The following CDKN2B-AS1 variants were observed in gnomAD, a reference collection of about 807,000 sequenced individuals.
The protein encoded by CDKN2B-AS1 is CDKN2B antisense RNA 1 (non-protein coding).
chr9:22,117,925 T>C (rs1436064973), intron 4 of CDKN2B-AS1: 2 of 152,258 alleles, frequency 1.3e-5, no homozygotes, highest in Admixed American at 1.3e-4. Context: ...GTGATTTCAT[T>C]AGTTCCTCCT....
intron 1 of CDKN2B-AS1, among the ~76,000 whole-genome samples, chr9:22,033,712 C>G (rs945822061): frequency 6.6e-6 from 1 of 152,108 alleles, no homozygotes; most frequent in African/African-American, 2.4e-5. Flanking sequence ...GCCACTTGCT[C>G]CAACAATTAA....
At chr9:22,071,285 CTTTTTTTTT>C (rs71336509) in intron 4 of CDKN2B-AS1, among the ~76,000 whole-genome samples, 23,249 of 66,526 alleles carry the variant, frequency 0.35, 3,923 homozygotes, top group East Asian at 0.58. Flanking sequence ...AAATATCTAG[CTTTTTTTTT>C]TTTTTTTTTT....
chr9:22,010,092 T>C lies in CDKN2B-AS1; in HGVS notation n.29+14931T>C, dbSNP rs180815929. ...CTATTTAAACCCACTTTGTCAGGTA[T>C]CTTATTTTTATTTATCATGAGTAAT... On this transcript the variant is annotated intron_variant and non_coding_transcript_variant, in intron 1 of 4. Coordinates refer to ENST00000650946, the Ensembl canonical transcript of CDKN2B-AS1. Among the ~76,000 whole-genome samples the C allele has an allele frequency of 8.5e-5, 13 of 152,322 alleles. 1 individual carries two copies. Among genetic ancestry groups the C allele is most frequent in the African/African-American group, 2.6e-4 (11 of 41,572 alleles).
chr9:22,003,083 G>A (rs1820993352), intron 1 of CDKN2B-AS1: 1 of 212,818 alleles, frequency 4.7e-6, no homozygotes, highest in Admixed American at 5.9e-5. Context: ...GTAACTATAT[G>A]TTTTGCATGT....
chr9:22,086,005 G>A (rs1003464646), intron 4 of CDKN2B-AS1, among the ~76,000 whole-genome samples: 1 of 151,952 alleles, frequency 6.6e-6, no homozygotes, highest in Non-Finnish European at 1.5e-5. Context: ...GAAAGAAGAT[G>A]AACCTTGGGG....
At chr9:22,093,392 G>A (rs1036793317) in intron 4 of CDKN2B-AS1, among the ~76,000 whole-genome samples, 44 of 116,504 alleles carry the variant, frequency 3.8e-4, no homozygotes, top group Non-Finnish European at 6.7e-4. Flanking sequence ...TTTCTGTCTC[G>A]TTGATCTGTC....
intron 4 of CDKN2B-AS1, among the ~76,000 whole-genome samples, chr9:22,081,913 T>G (rs1174448017): frequency 6.6e-6 from 1 of 152,224 alleles, no homozygotes; most frequent in Non-Finnish European, 1.5e-5. Context: ...CAGGAGTTTT[T>G]TTTACTCTGT....
intron 4 of CDKN2B-AS1, chr9:22,058,229 A>G (rs892697806): frequency 2.0e-5 from 3 of 152,326 alleles, no homozygotes; most frequent in African/African-American, 7.2e-5. Flanking sequence ...GAAAACCAGT[A>G]TTGAAAATAG....
chr9:22,112,093 G>T (rs1418537389), intron 4 of CDKN2B-AS1: 1 of 152,180 alleles, frequency 6.6e-6, no homozygotes, highest in Non-Finnish European at 1.5e-5. Context: ...TCACATCTCT[G>T]TTGGTTGTAA....
chr9:22,012,219 C>A, intron 1 of CDKN2B-AS1: 2 of 1,409,942 alleles, frequency 1.4e-6, no homozygotes, highest in East Asian at 4.6e-5. Flanking sequence ...CCCAGTGACA[C>A]CATTGAGAAT....
At position 22,006,139 on chromosome 9, in the gene CDKN2B-AS1, G is replaced by A. The variant is rs770734081; in HGVS notation, n.29+10978G>A. The A allele has an allele frequency of 3.7e-6, 6 of 1,611,438 alleles. No individual in the cohort carries two copies. The highest frequency in any genetic ancestry group is 5.1e-6 in the Non-Finnish European group (6 of 1,179,860). On this transcript the variant is annotated intron_variant and non_coding_transcript_variant, in intron 1 of 4. Transcript: ENST00000650946. This position sits in a 1 kb window ranked among gnomAD's most constrained non-coding sequence, Gnocchi z 6.4. ...ACCAGCGTGTCCAGGAAGCCCTCCC[G>A]GGCAGCATCATGCACCGGTCGGGTG...
chr9:22,113,132 C>A (rs956290309), intron 4 of CDKN2B-AS1, among the ~76,000 whole-genome samples: 3 of 152,190 alleles, frequency 2.0e-5, no homozygotes, highest in Admixed American at 6.5e-5. Context: ...CCAGGCACTG[C>A]GTGGCTCGGC....
intron 1 of CDKN2B-AS1, among the ~76,000 whole-genome samples, chr9:22,009,552 T>C (rs1821395600): frequency 6.6e-6 from 1 of 152,232 alleles, no homozygotes; most frequent in South Asian, 2.1e-4. Context: ...GGCTAATATT[T>C]TGGGAATGTT....
chr9:22,069,336 A>G (rs914802205), intron 4 of CDKN2B-AS1, among the ~76,000 whole-genome samples: 2 of 92,322 alleles, frequency 2.2e-5, no homozygotes, highest in Non-Finnish European at 3.8e-5. Flanking sequence ...CACAAAGTAC[A>G]TAGAAATTTT....
At chr9:21,998,748 A>G (rs1188173893) in intron 1 of CDKN2B-AS1, among the ~76,000 whole-genome samples, 4 of 152,278 alleles carry the variant, frequency 2.6e-5, no homozygotes, top group Middle Eastern at 3.4e-3. Flanking sequence ...CTCCTCCCCA[A>G]ACTTAATGTC....
chr9:22,046,180 T>A (rs1298551233), intron 1 of CDKN2B-AS1: 1 of 152,108 alleles, frequency 6.6e-6, no homozygotes, highest in African/African-American at 2.4e-5. Flanking sequence ...GAGGACTATA[T>A]CTAGCAATAA....
At position 22,006,560 on chromosome 9, in the gene CDKN2B-AS1, T is replaced by G. The variant is rs1036997480; in HGVS notation, n.29+11399T>G. Among the ~76,000 whole-genome samples, 1 of 152,200 alleles carries G rather than the reference T, an allele frequency of 6.6e-6. No homozygotes were observed. Among genetic ancestry groups the G allele is most frequent in the Non-Finnish European group, 1.5e-5 (1 of 68,040 alleles). ...ACAAATCTTGATTTCCATTGGAACA[T>G]GGGAATCTATTTTGTTAAATGATTT... On this transcript the variant is annotated intron_variant and non_coding_transcript_variant, in intron 1 of 4. Coordinates refer to ENST00000650946, the Ensembl canonical transcript of CDKN2B-AS1. The surrounding 1 kb of genome is among the most constrained non-coding windows in gnomAD (Gnocchi z 6.4).
chr9:22,089,708 C>T (rs1825000372), intron 4 of CDKN2B-AS1, among the ~76,000 whole-genome samples: 1 of 152,086 alleles, frequency 6.6e-6, no homozygotes, highest in African/African-American at 2.4e-5. Context: ...CCTCAGCCTC[C>T]CAAAGTGCTG....
chr9:22,088,514 C>T lies in CDKN2B-AS1; in HGVS notation n.438+32127C>T, dbSNP rs72652424. 4.4e-3 allele frequency among the ~76,000 whole-genome samples: 674 copies of T among 152,134 alleles called. 8 individuals carry two copies. Among genetic ancestry groups the T allele is most frequent in the Non-Finnish European group, 5.4e-3 (364 of 68,010 alleles). ...AGGTTCACAGGCCCTAGGCTAAGAA[C>T]CAGCATTCTGTATATTTTACATGTG... On this transcript the variant is annotated intron_variant and non_coding_transcript_variant, in intron 4 of 4. Coordinates refer to ENST00000650946, the Ensembl canonical transcript of CDKN2B-AS1.
Sources: allele counts gnomAD v4.1 joint callset (sites outside exome capture counted in the v4.1 genomes callset), GRCh38; gene constraint gnomAD v4.1.1; non-coding constraint Gnocchi (gnomAD v3.1); transcripts MANE v1.5; gene names NCBI Gene and HGNC (gene_info 2026-07-23, HGNC 2026-07-21).